The following BDP1 variants were observed in gnomAD, a reference collection of about 807,000 sequenced individuals.
The protein encoded by BDP1 is transcription factor TFIIIB component B'' homolog.
Under a neutral mutation model 266.6 loss-of-function variants are expected in BDP1, and 169 were observed. That is an observed-to-expected ratio of 0.63 (90% CI 0.56 to 0.72). BDP1 has a LOEUF of 0.72. Among genes scored for constraint, BDP1 ranks in the 30% least tolerant of loss-of-function variants. The probability of loss-of-function intolerance (pLI) is 0.00; values close to 1 mark genes in which losing one functional copy is unlikely to be tolerated. For missense variants in BDP1, 3,015 were observed against 3,053.8 expected (o/e 0.99, Z 0.30); for synonymous variants, 1,090 against 1,022.4 (o/e 1.07, Z -1.26).
At chr5:71,468,442 C>A (rs1161237263) in intron 6 of BDP1, among the ~76,000 whole-genome samples, 1 of 151,742 alleles carries the variant, frequency 6.6e-6, no homozygotes, top group African/African-American at 2.4e-5. Flanking sequence ...GTCGTTGTGC[C>A]CAGCCCAGAA....
intron 1 of BDP1, 38 bp downstream of exon 1, chr5:71,456,127 G>T (rs771746379): frequency 1.3e-6 from 2 of 1,570,820 alleles, no homozygotes; most frequent in Non-Finnish European, 8.7e-7. Context: ...CATTTGTCCC[G>T]CCTCTCCGGG....
Position 71,513,230 on chromosome 5 carries a change from A to G in BDP1, c.4293A>G (p.Ala1431=). Residue 1431 remains alanine (A), a synonymous_variant, in exon 19 of 39, where the codon GCA becomes GCG. Transcript: ENST00000358731. ...QEQKPLEIKP[A]PFVRSRFKRP... is the part of the protein sequence containing the mutation. ...AGAAGCCACTTGAAATTAAACCAGC[A>G]CCTTTTGTGAGGAGCCGATTCAAAA... The G allele has an allele frequency of 6.2e-7, 1 of 1,613,760 alleles. No homozygotes were observed. Among genetic ancestry groups the G allele is most frequent in the Non-Finnish European group, 8.5e-7 (1 of 1,179,990 alleles).
At chr5:71,519,623 C>T (rs981959214) in intron 22 of BDP1, among the ~76,000 whole-genome samples, 5 of 152,330 alleles carry the variant, frequency 3.3e-5, no homozygotes, top group South Asian at 2.1e-4. Context: ...ATCTATGTCA[C>T]TGTGAATGAC....
chr5:71,530,063 G>A (rs1580155506), intron 25 of BDP1, among the ~76,000 whole-genome samples: 1 of 152,196 alleles, frequency 6.6e-6, no homozygotes, highest in East Asian at 1.9e-4. Context: ...TGTATGTTAT[G>A]TGAATTGCAA....
At chr5:71,490,833 G>A in intron 10 of BDP1, 151 bp from the exon 11 acceptor site, 1 of 668,888 alleles carries the variant, frequency 1.5e-6, no homozygotes. Flanking sequence ...TTTTATTATG[G>A]TCTAAAAATA....
intron 11 of BDP1, among the ~76,000 whole-genome samples, chr5:71,493,600 G>A (rs920774986): frequency 6.6e-6 from 1 of 152,184 alleles, no homozygotes; most frequent in Non-Finnish European, 1.5e-5. Flanking sequence ...GGAAAACAAA[G>A]AGTTGATTCT....
intron 24 of BDP1, among the ~76,000 whole-genome samples, chr5:71,523,459 G>A (rs1252174579): frequency 1.2e-4 from 18 of 151,984 alleles, no homozygotes; most frequent in African/African-American, 3.6e-4. Flanking sequence ...GATTACAGGC[G>A]TGCACCACCG....
At chr5:71,461,758 T>C in intron 2 of BDP1, 59 bp from the exon 3 acceptor site, 1 of 949,118 alleles carries the variant, frequency 1.1e-6, no homozygotes, top group Non-Finnish European at 1.7e-6. Context: ...TATTTGCATA[T>C]AGTACATCTG....
intron 2 of BDP1, among the ~76,000 whole-genome samples, chr5:71,460,319 G>A (rs944713507): frequency 6.6e-6 from 1 of 152,248 alleles, no homozygotes; most frequent in African/African-American, 2.4e-5. Flanking sequence ...GGCAGAGGTT[G>A]CGGTGAGCCA....
At chr5:71,519,236 T>C (rs965801126) in intron 22 of BDP1, among the ~76,000 whole-genome samples, 3 of 152,188 alleles carry the variant, frequency 2.0e-5, no homozygotes, top group Non-Finnish European at 4.4e-5. Context: ...ATGTGATATT[T>C]TGATACATTA....
rs115232535 is a variant in BDP1 at position 71,495,518 on chromosome 5, T to C, written c.1799+110T>C. 7.2e-3 allele frequency: 4,438 copies of C among 613,634 alleles called. 36 individuals carry two copies. The highest frequency in any genetic ancestry group is 9.1e-3 in the Non-Finnish European group (3,495 of 382,560). 38.0% of individuals were successfully genotyped at this position (613,634 alleles called of 1,614,324 possible). ...GAGGGGATTATTAATACATACTTTA[T>C]TAATAGTAGAGGGAATCATTTAATA... On this transcript the variant is annotated intron_variant, in intron 12 of 38. Coordinates refer to ENST00000358731, the MANE Select transcript of BDP1 (RefSeq NM_018429.3).
chr5:71,511,264 T>A (rs1323510425), intron 17 of BDP1, 113 bp downstream of exon 17: 5 of 1,057,134 alleles, frequency 4.7e-6, no homozygotes, highest in African/African-American at 1.6e-5. Context: ...TCTCTAAAAG[T>A]CTAAAGTCTT....
chr5:71,569,596 A>G (rs1487789926), downstream of BDP1, among the ~76,000 whole-genome samples: 1 of 152,006 alleles, frequency 6.6e-6, no homozygotes, highest in East Asian at 1.9e-4. Flanking sequence ...AAATGCAAAA[A>G]TTAGCCAGGT....
chr5:71,493,617 G>A (rs1304922095), intron 11 of BDP1, among the ~76,000 whole-genome samples: 1 of 152,160 alleles, frequency 6.6e-6, no homozygotes, highest in Non-Finnish European at 1.5e-5. Context: ...TTCTAAAATT[G>A]TCATGTACAC....
At chr5:71,523,729 A>G (rs753257010) in intron 24 of BDP1, among the ~76,000 whole-genome samples, 8 of 152,226 alleles carry the variant, frequency 5.3e-5, no homozygotes, top group Non-Finnish European at 7.3e-5. Flanking sequence ...ACTATGAAAA[A>G]TTTGTAGGTA....
chr5:71,556,418 T>C (rs980839649), intron 35 of BDP1, among the ~76,000 whole-genome samples: 1 of 152,182 alleles, frequency 6.6e-6, no homozygotes, highest in African/African-American at 2.4e-5. Context: ...TAGATTGCAA[T>C]AGTTATATTT....
At chr5:71,575,525 G>A in the BDP1 span, among the ~76,000 whole-genome samples, 21 of 152,340 alleles carry the variant, frequency 1.4e-4, no homozygotes, top group African/African-American at 5.0e-4. Context: ...GGTGACTGCT[G>A]CATGATTTAA....
At chr5:71,558,485 G>A (rs1561791082) in intron 36 of BDP1, among the ~76,000 whole-genome samples, 2 of 151,942 alleles carry the variant, frequency 1.3e-5, no homozygotes, top group Non-Finnish European at 2.9e-5. Flanking sequence ...TCACGCCATT[G>A]CACGCCAGCC....
At chr5:71,573,143 G>A in the BDP1 span, among the ~76,000 whole-genome samples, 1 of 151,826 alleles carries the variant, frequency 6.6e-6, no homozygotes, top group Non-Finnish European at 1.5e-5. Context: ...GCAGGAGAAT[G>A]CTTGAACCCG....
Sources: allele counts gnomAD v4.1 joint callset (sites outside exome capture counted in the v4.1 genomes callset), GRCh38; gene constraint gnomAD v4.1.1; transcripts MANE v1.5; gene names NCBI Gene and HGNC (gene_info 2026-07-23, HGNC 2026-07-21).